Variants in ANO8 observed in about 807,000 individuals in gnomAD.
ANO8 encodes the protein anoctamin-8.
ANO8 carries 67 observed loss-of-function variants against 120.4 expected under a neutral mutation model. The observed-to-expected ratio is 0.56, with a 90% confidence interval of 0.46 to 0.68. ANO8 has a LOEUF of 0.68. Ranked by LOEUF, ANO8 falls within the 30% of genes least tolerant of loss-of-function variation. The pLI is 0.00. For synonymous variants in ANO8, 727 were observed against 759.2 expected (o/e 0.96, Z 0.70); for missense variants, 1,526 against 1,737.6 (o/e 0.88, Z 2.16).
rs1248277949 is a variant in ANO8 at position 17,331,285 on chromosome 19, C to G, written c.703+10G>C. The G allele has an allele frequency of 6.2e-7, 1 of 1,614,060 alleles. No homozygotes were observed. The highest frequency in any genetic ancestry group is 8.5e-7 in the Non-Finnish European group (1 of 1,180,032). ...TGGGACTCCCTCCCACCCCCCAGCC[C>G]AGGCAGCACCTAGAGGCTGGTTTTC... On this transcript the variant is annotated intron_variant, in intron 6 of 17. Transcript: ENST00000159087.
In ANO8 at chr19:17,323,848, C is replaced by T; in HGVS notation, c.3368G>A (p.Arg1123His). Reference protein sequence around the residue: ...ALAPVGAPALRTRRSRSPAPP... With the variant: ...ALAPVGAPALHTRRSRSPAPP... The stretch of plus-strand genomic sequence containing the variant: ...CGCGGGGCTCCGGCTGCGGCGGGTG[C>T]GGAGGGCAGGGGCGCCCACGGGGGC... The change falls in exon 18 of 18, where the codon CGC becomes CAC. Residue 1123 changes from arginine (R) to histidine (H), a missense_variant. Arg to His is a conservative substitution (Grantham distance 29). Transcript: ENST00000159087. 3 of 1,125,536 alleles carry T rather than the reference C, an allele frequency of 2.7e-6. No individual in the cohort carries two copies. Among genetic ancestry groups the T allele is most frequent in the Non-Finnish European group, 1.1e-6 (1 of 919,868 alleles). The allele number at this position is 1,125,536 out of a possible 1,614,324, so 69.7% of individuals were successfully genotyped here. A position where few individuals can be genotyped will look rare whatever the true frequency, so the allele number is the denominator to read the frequency against.
rs1181773313 is a variant in ANO8, at chr19:17,334,811, G to T, written c.-141C>A. 6.6e-6 allele frequency: 8 copies of T among 1,209,600 alleles called. No individual in the cohort carries two copies. The highest frequency in any genetic ancestry group is 1.7e-5 in the South Asian group (1 of 59,536). The allele number at this position is 1,209,600 out of a possible 1,614,324, so 74.9% of individuals were successfully genotyped here. A position where few individuals can be genotyped will look rare whatever the true frequency, so the allele number is the denominator to read the frequency against. ...CCCGCGCCGGCCTCGGTCCTCGCTCGCCCGAGCGCTGCTTCTCGTCCCCGC... is the reference window on the plus strand; with the variant it reads ...CCCGCGCCGGCCTCGGTCCTCGCTCTCCCGAGCGCTGCTTCTCGTCCCCGC... On this transcript the variant is annotated 5_prime_UTR_variant, in exon 1 of 18. Transcript: ENST00000159087.
At chr19:17,334,024 C>T (rs1353375465) in intron 1 of ANO8, among the ~76,000 whole-genome samples, 2 of 152,208 alleles carry the variant, frequency 1.3e-5, no homozygotes, top group African/African-American at 4.8e-5. Flanking sequence ...ACAAATCTTA[C>T]TCATTCTTGA....
chr19:17,329,460 G>A (rs369625720), intron 12 of ANO8: 11 of 468,668 alleles, frequency 2.3e-5, no homozygotes, highest in Admixed American at 3.9e-5. Flanking sequence ...AGGAGCAGGC[G>A]GAACCGCAGG....
rs1435219593 is a variant in ANO8, at chr19:17,328,636, G to A, written c.1752C>T (p.Asp584=). ...GDGPPGGKEE[D]EDDEEEEDEE... is the part of the protein sequence containing the mutation. The stretch of plus-strand genomic sequence containing the variant: ...CGTCCTCCTCCTCCTCGTCGTCCTC[G>A]TCCTCCTCCTTGCCCCCTGGAGGCC... Residue 584 remains aspartate (D), a synonymous_variant, in exon 13 of 18, where the codon GAC becomes GAT. Transcript: ENST00000159087. The A allele has an allele frequency of 2.6e-6, 4 of 1,525,462 alleles. No individual in the cohort carries two copies. In the African/African-American group the frequency reaches 4.2e-5, roughly 16 times the overall value. The allele number at this position is 1,525,462 out of a possible 1,614,324, so 94.5% of individuals were successfully genotyped here.
Position 17,334,559 on chromosome 19 carries a change from A to G in ANO8, c.106+6T>C. 1.9e-6 allele frequency: 3 copies of G among 1,549,636 alleles called. No homozygotes were observed. The highest frequency in any genetic ancestry group is 2.6e-6 in the Non-Finnish European group (3 of 1,155,146). ...ACCCTGTCTGGTCCAGCCGCCGCAC[A>G]CATACCCAGAACTCCGGACGCCGGG... On this transcript the variant is annotated splice_donor_region_variant and intron_variant, in intron 1 of 17. Coordinates refer to ENST00000159087, the MANE Select transcript of ANO8 (RefSeq NM_020959.3).
intron 12 of ANO8, 154 bp from the exon 13 acceptor site, chr19:17,329,137 C>T: frequency 1.8e-6 from 1 of 567,142 alleles, no homozygotes; most frequent in East Asian, 3.5e-5. Flanking sequence ...CGCGCCTCGA[C>T]GCGAGGCCCC....
In ANO8 at chr19:17,323,550, G is replaced by A; in HGVS notation, c.3666C>T (p.Pro1222=). The A allele has an allele frequency of 7.7e-7, 1 of 1,292,436 alleles. No individual in the cohort carries two copies. Among genetic ancestry groups the A allele is most frequent in the Non-Finnish European group, 9.8e-7 (1 of 1,019,308 alleles). 80.1% of individuals were successfully genotyped at this position (1,292,436 alleles called of 1,614,324 possible). Reference sequence around the variant, plus strand: ...AGCCGCTGGGCCAGCACACGGCCTGGGGGCTGGGGCTGGGGCTAGGGGAGG... The same window carrying A: ...AGCCGCTGGGCCAGCACACGGCCTGAGGGCTGGGGCTGGGGCTAGGGGAGG... ...PAPSPSPSPS[P]QAVCWPSGWH The change falls in exon 18 of 18, where the codon CCC becomes CCT. Residue 1222 remains proline (P), a synonymous_variant. Transcript: ENST00000159087.
Position 17,327,666 on chromosome 19 carries a change from C to G in ANO8, c.2418+23G>C, listed in dbSNP as rs201862681. ...CCTGGGCTCCCTCTGGGCCTCAGCT[C>G]GGATCTCTTGGCTTCCCCCCACCTG... On this transcript the variant is annotated intron_variant, in intron 14 of 17. Transcript: ENST00000159087. The G allele has an allele frequency of 2.7e-5, 44 of 1,610,478 alleles. No homozygotes were observed. The East Asian group carries it at 8.0e-4, about 29-fold the overall frequency.
chr19:17,323,889 G>A lies in ANO8; in HGVS notation c.3332-5C>T, dbSNP rs2074255687. 8.9e-7 allele frequency: 1 copy of A among 1,117,546 alleles called. No homozygotes were observed. 69.2% of individuals were successfully genotyped at this position (1,117,546 alleles called of 1,614,324 possible). A position where few individuals can be genotyped will look rare whatever the true frequency, so the allele number is the denominator to read the frequency against. On this transcript the variant is annotated splice_region_variant and splice_polypyrimidine_tract_variant and intron_variant, in intron 17 of 17. Coordinates refer to ENST00000159087, the MANE Select transcript of ANO8 (RefSeq NM_020959.3). ...CCACGGGGGCCAGCGCTGTCCCTGCGGAGGCGAGAGGGGCCGTTCCGGGGG... is the reference window on the plus strand; with the variant it reads ...CCACGGGGGCCAGCGCTGTCCCTGCAGAGGCGAGAGGGGCCGTTCCGGGGG...
In ANO8 at chr19:17,329,851, G is replaced by A. The variant is rs753831915; in HGVS notation, c.1330-20C>T. 1.9e-6 allele frequency: 3 copies of A among 1,613,598 alleles called. No homozygotes were observed. The Admixed American group carries it at 5.0e-5, about 27-fold the overall frequency. On this transcript the variant is annotated intron_variant, in intron 11 of 17. Coordinates refer to ENST00000159087, the MANE Select transcript of ANO8 (RefSeq NM_020959.3). Reference sequence around the variant, plus strand: ...CTGGAACTGCAGGAAGGAGGCAGGCGGTGGTCATCCTGCACCCCCACCCGA... The same window carrying A: ...CTGGAACTGCAGGAAGGAGGCAGGCAGTGGTCATCCTGCACCCCCACCCGA...
At chr19:17,329,065 C>T (rs2145687661) in intron 12 of ANO8, 82 bp from the exon 13 acceptor site, 1 of 1,166,246 alleles carries the variant, frequency 8.6e-7, no homozygotes, top group Non-Finnish European at 1.1e-6. Context: ...TCCCTGGGCG[C>T]CCCGCCGGAG....
chr19:17,328,402 C>CTCG lies in ANO8; in HGVS notation c.1983_1985dup (p.Asp661dup). The CTCG allele has an allele frequency of 6.4e-7, 1 of 1,565,350 alleles. No individual in the cohort carries two copies. Among genetic ancestry groups the CTCG allele is most frequent in the Non-Finnish European group, 8.6e-7 (1 of 1,159,500 alleles). ...CAGGGCTGCCGGGAGCCCCCTCCGC[C>CTCG]TCGTCGTCCTCCTCGGCCAGGGTGA... On this transcript the variant is annotated inframe_insertion, in exon 13 of 18. Coordinates refer to ENST00000159087, the MANE Select transcript of ANO8 (RefSeq NM_020959.3).
Position 17,327,705 on chromosome 19 carries a change from C to G in ANO8, c.2402G>C (p.Ser801Thr), listed in dbSNP as rs1490085228. The G allele has an allele frequency of 2.5e-6, 4 of 1,613,290 alleles. No homozygotes were observed. Among genetic ancestry groups the G allele is most frequent in the Non-Finnish European group, 3.4e-6 (4 of 1,179,704 alleles). ...LQRPFGQRVE[S>T]IGQWQKVMEA... ...TCCCCCCACCTGCCACTGGCCGATGCTTTCCACGCGCTGGCCGAAGGGCCG... is the reference window on the plus strand; with the variant it reads ...TCCCCCCACCTGCCACTGGCCGATGGTTTCCACGCGCTGGCCGAAGGGCCG... Residue 801 changes from serine to threonine, a missense_variant, in exon 14 of 18, where the codon AGC becomes ACC. By Grantham distance (58) the Ser-to-Thr change is moderately conservative (BLOSUM62 1). Coordinates refer to ENST00000159087, the MANE Select transcript of ANO8 (RefSeq NM_020959.3).
In ANO8 at chr19:17,323,370, T is replaced by G; in HGVS notation, c.*147A>C. 1.7e-6 allele frequency: 1 copy of G among 603,320 alleles called. No individual in the cohort carries two copies. 37.4% of individuals were successfully genotyped at this position (603,320 alleles called of 1,614,324 possible). On this transcript the variant is annotated 3_prime_UTR_variant, in exon 18 of 18. Transcript: ENST00000159087. ...TTTCTGTTGGATTTGTGGGTTTCCT[T>G]TCGTTTGGAAAGGAAAACGGCAGAT...
At chr19:17,329,910 G>A (rs747269776) in intron 11 of ANO8, 49 bp downstream of exon 11, 12 of 1,613,848 alleles carry the variant, frequency 7.4e-6, no homozygotes, top group Non-Finnish European at 9.3e-6. Context: ...CCATACAGAC[G>A]GCACAGCTTC....
In ANO8 at chr19:17,333,074, C is replaced by T. The variant is rs1315749238; in HGVS notation, c.489+27G>A. 8 of 1,613,632 alleles carry T rather than the reference C, an allele frequency of 5.0e-6. No homozygotes were observed. The East Asian group carries it at 1.8e-4, about 36-fold the overall frequency. ...TCAGGGAACTCATAGGCACAGGATG[C>T]ATGCGGGGGCCCAGAGCCGGCCTCA... On this transcript the variant is annotated intron_variant, in intron 4 of 17. Coordinates refer to ENST00000159087, the MANE Select transcript of ANO8 (RefSeq NM_020959.3). The surrounding 1 kb of genome is among the most constrained non-coding windows in gnomAD (Gnocchi z 7.2).
rs527279946 is a variant in ANO8, at chr19:17,334,596, G to C, written c.75C>G (p.Gly25=). 4.8e-4 allele frequency: 747 copies of C among 1,547,428 alleles called. 1 individual carries two copies. Among genetic ancestry groups the C allele is most frequent in the Non-Finnish European group, 5.9e-4 (686 of 1,155,394 alleles). ...GERGKRPPPE[G]EPAAPASGVL... The stretch of plus-strand genomic sequence containing the variant: ...CTCCGGACGCCGGGGCTGCAGGCTC[G>C]CCCTCCGGCGGGGGCCTCTTGCCAC... Residue 25 remains glycine, a synonymous_variant, in exon 1 of 18, where the codon GGC becomes GGG. Coordinates refer to ENST00000159087, the MANE Select transcript of ANO8 (RefSeq NM_020959.3).
Position 17,329,729 on chromosome 19 carries a change from G to A in ANO8, c.1404+28C>T, listed in dbSNP as rs1414852779. ...CTCGCTGGCCGCCATGGGGGCAGGG[G>A]GGACTGCCGCTGGGGCGGGGGTCTC... is the stretch of plus-strand genomic sequence containing the variant. On this transcript the variant is annotated intron_variant, in intron 12 of 17. Coordinates refer to ENST00000159087, the MANE Select transcript of ANO8 (RefSeq NM_020959.3). The A allele has an allele frequency of 1.9e-6, 3 of 1,596,366 alleles. No homozygotes were observed. In the East Asian group the frequency reaches 6.8e-5, roughly 36 times the overall value.
Sources: allele counts gnomAD v4.1 joint callset (sites outside exome capture counted in the v4.1 genomes callset), GRCh38; gene constraint gnomAD v4.1.1; non-coding constraint Gnocchi (gnomAD v3.1); transcripts MANE v1.5; gene names NCBI Gene and HGNC (gene_info 2026-07-23, HGNC 2026-07-21).